The following WFDC9 variants were observed in gnomAD, a reference collection of about 807,000 sequenced individuals.
The protein encoded by WFDC9 is WAP four-disulfide core domain 9, also known as protein WFDC9.
Under a neutral mutation model 9.5 loss-of-function variants are expected in WFDC9, and 9 were observed. That is an observed-to-expected ratio of 0.95 (90% CI 0.57 to 1.65). The LOEUF (loss-of-function observed/expected upper bound fraction) is 1.65, where lower values mean the gene tolerates loss of function less well. WFDC9 is among the 40% of genes most tolerant of loss of function. The pLI, the probability that WFDC9 is intolerant of heterozygous loss-of-function variation, is 0.00. For synonymous variants in WFDC9, 33 were observed against 32.3 expected, an observed-to-expected ratio of 1.02 and a Z score of -0.07; for missense variants, 87 against 106.7, an observed-to-expected ratio of 0.82 and a Z score of 0.81.
chr20:45,615,896 ATACTT>A (rs931634351), intron 1 of WFDC9, among the ~76,000 whole-genome samples: 2 of 152,258 alleles, frequency 1.3e-5, no homozygotes, highest in Admixed American at 6.5e-5. Flanking sequence ...TAATTTTAAA[ATACTT>A]TACTACTAAA....
chr20:45,617,772 C>T (rs933288733), intron 1 of WFDC9, among the ~76,000 whole-genome samples: 2 of 152,158 alleles, frequency 1.3e-5, no homozygotes, highest in Admixed American at 6.5e-5. Flanking sequence ...TATAGGTGTG[C>T]ACCATCATGC....
At chr20:45,608,430 T>C (rs1981776764) in intron 4 of WFDC9, among the ~76,000 whole-genome samples, 1 of 152,096 alleles carries the variant, frequency 6.6e-6, no homozygotes, top group African/African-American at 2.4e-5. Flanking sequence ...GGTGATATGT[T>C]GAGGGAAGCA....
chr20:45,627,442 T>C (rs1162991939), intron 1 of WFDC9, among the ~76,000 whole-genome samples: 3 of 152,222 alleles, frequency 2.0e-5, no homozygotes, highest in African/African-American at 7.2e-5. Flanking sequence ...TAAAGCCATA[T>C]GGTTCTGGAC....
At chr20:45,620,937 T>C (rs1322443965) in intron 1 of WFDC9, among the ~76,000 whole-genome samples, 1 of 152,210 alleles carries the variant, frequency 6.6e-6, no homozygotes, top group Non-Finnish European at 1.5e-5. Context: ...CTCTGTCTTT[T>C]AATAAATGTC....
chr20:45,620,497 C>G (rs982782429), intron 1 of WFDC9, among the ~76,000 whole-genome samples: 1 of 152,122 alleles, frequency 6.6e-6, no homozygotes, highest in Non-Finnish European at 1.5e-5. Context: ...GAGGCTGAGG[C>G]ATGAGAATCA....
rs1336968983 is a variant in WFDC9 at position 45,608,355 on chromosome 20, G to A, written c.240-215C>T. Among the ~76,000 whole-genome samples the A allele has an allele frequency of 2.6e-5, 4 of 152,148 alleles. No homozygotes were observed. The East Asian group carries it at 7.7e-4, about 29-fold the overall frequency. ...GCCTGGCTGAGAGTAGAGCGCCCAT[G>A]GAGACGCCCAACTAAGGGGTTAGTA... On this transcript the variant is annotated intron_variant, in intron 4 of 4. Transcript: ENST00000326000.
Position 45,608,010 on chromosome 20 carries a change from C to A in WFDC9, c.*100G>T. ...GGTCAAGGAAATAGCAGAAAGGTTA[C>A]CAGCTAGAGCCAGTGGGTGTCCCAA... On this transcript the variant is annotated 3_prime_UTR_variant, in exon 5 of 5. Coordinates refer to ENST00000326000, the MANE Select transcript of WFDC9 (RefSeq NM_147198.4). 1 of 1,340,366 alleles carries A rather than the reference C, an allele frequency of 7.5e-7. No individual in the cohort carries two copies. Among genetic ancestry groups the A allele is most frequent in the Non-Finnish European group, 1.1e-6 (1 of 943,726 alleles). The allele number at this position is 1,340,366 out of a possible 1,614,324, so 83.0% of individuals were successfully genotyped here.
intron 2 of WFDC9, among the ~76,000 whole-genome samples, chr20:45,614,238 C>A (rs1304057319): frequency 6.6e-6 from 1 of 152,144 alleles, no homozygotes; most frequent in Non-Finnish European, 1.5e-5. Flanking sequence ...AAAGAAACAT[C>A]ATTATGCCCA....
At chr20:45,613,865 C>T (rs1321757448) in intron 2 of WFDC9, among the ~76,000 whole-genome samples, 1 of 152,166 alleles carries the variant, frequency 6.6e-6, no homozygotes, top group African/African-American at 2.4e-5. Context: ...ACTCTGTTAT[C>T]TGCTTACAGC....
At chr20:45,613,302 A>C (rs1359804219) in intron 2 of WFDC9, among the ~76,000 whole-genome samples, 1 of 152,162 alleles carries the variant, frequency 6.6e-6, no homozygotes, top group Non-Finnish European at 1.5e-5. Flanking sequence ...TCATCACAGA[A>C]AGTTCTACTG....
intron 1 of WFDC9, 192 bp downstream of exon 1, chr20:45,631,011 T>G (rs140408245): frequency 8.1e-6 from 13 of 1,599,594 alleles, no homozygotes; most frequent in Non-Finnish European, 1.1e-5. Flanking sequence ...TGCATGAGCA[T>G]CCTGTGAGTG....
intron 1 of WFDC9, among the ~76,000 whole-genome samples, chr20:45,618,552 C>T (rs1250763946): frequency 6.6e-6 from 1 of 152,072 alleles, no homozygotes; most frequent in African/African-American, 2.4e-5. Context: ...CATTTAGAGT[C>T]TGTTGCGGGG....
chr20:45,615,200 CT>C (rs1981946342), intron 1 of WFDC9, among the ~76,000 whole-genome samples: 1 of 152,142 alleles, frequency 6.6e-6, no homozygotes, highest in African/African-American at 2.4e-5. Flanking sequence ...AGATGACCAC[CT>C]AACAAATGAA....
intron 1 of WFDC9, among the ~76,000 whole-genome samples, chr20:45,627,610 C>G (rs1256315394): frequency 1.3e-5 from 2 of 152,078 alleles, no homozygotes; most frequent in African/African-American, 2.4e-5. Context: ...AAGGATATCA[C>G]AAAGGATACA....
At chr20:45,612,522 G>A (rs572049354) in intron 2 of WFDC9, among the ~76,000 whole-genome samples, 122 of 152,262 alleles carry the variant, frequency 8.0e-4, no homozygotes, top group South Asian at 7.7e-3. Context: ...AAATAAAATA[G>A]CCTTCAGCTG....
intron 1 of WFDC9, among the ~76,000 whole-genome samples, chr20:45,625,908 C>G (rs183444293): frequency 1.4e-3 from 202 of 147,636 alleles, no homozygotes; most frequent in African/African-American, 4.0e-3. Context: ...CCTCTGCCTC[C>G]CAGGTTCAAG....
At chr20:45,624,731 T>G (rs186455751) in intron 1 of WFDC9, among the ~76,000 whole-genome samples, 2 of 152,326 alleles carry the variant, frequency 1.3e-5, no homozygotes, top group Admixed American at 1.3e-4. Flanking sequence ...CAGCACTTGT[T>G]ATTTTTTGTC....
At chr20:45,614,963 A>G (rs912733178) in intron 1 of WFDC9, among the ~76,000 whole-genome samples, 1 of 152,190 alleles carries the variant, frequency 6.6e-6, no homozygotes, top group Non-Finnish European at 1.5e-5. Context: ...GCAGACCCAA[A>G]GTACATGTTC....
chr20:45,612,851 C>T (rs926845672), intron 2 of WFDC9, among the ~76,000 whole-genome samples: 2 of 152,160 alleles, frequency 1.3e-5, no homozygotes, highest in East Asian at 1.9e-4. Flanking sequence ...CCAGCCTTCT[C>T]CCATCTACCC....
Sources: allele counts gnomAD v4.1 joint callset (sites outside exome capture counted in the v4.1 genomes callset), GRCh38; gene constraint gnomAD v4.1.1; transcripts MANE v1.5; gene names NCBI Gene and HGNC (gene_info 2026-07-23, HGNC 2026-07-21).